Variants in KIAA1328 observed in about 807,000 individuals in gnomAD.
KIAA1328 encodes the protein protein hinderin.
In KIAA1328, 52 loss-of-function variants were observed where a neutral mutation model predicts 68.1. The observed-to-expected ratio is 0.76, with a 90% CI of 0.61 to 0.96. KIAA1328 has a LOEUF of 0.96. Among genes scored for constraint, KIAA1328 ranks in the 40% least tolerant of loss-of-function variants. The pLI, the probability that KIAA1328 is intolerant of heterozygous loss-of-function variation, is 0.00. For missense variants in KIAA1328, 641 were observed against 677.6 expected (o/e 0.95, Z 0.60); for synonymous variants, 232 against 239.4 (o/e 0.97, Z 0.28).
intron 7 of KIAA1328, among the ~76,000 whole-genome samples, chr18:37,069,325 T>C (rs1045524559): frequency 6.6e-6 from 1 of 151,168 alleles, no homozygotes; most frequent in Non-Finnish European, 1.5e-5. Context: ...AGTGGCATGA[T>C]CTTAGCCCAC....
intron 6 of KIAA1328, among the ~76,000 whole-genome samples, chr18:37,038,139 A>G (rs1432214661): frequency 6.6e-6 from 1 of 151,746 alleles, no homozygotes; most frequent in Non-Finnish European, 1.5e-5. Context: ...GATGGCTGCC[A>G]TGTCAAACAC....
intron 7 of KIAA1328, among the ~76,000 whole-genome samples, chr18:37,135,346 A>G (rs1243060700): frequency 2.0e-5 from 3 of 152,176 alleles, no homozygotes; most frequent in Non-Finnish European, 4.4e-5. Flanking sequence ...TTTTCTCTAC[A>G]GTCTCGCCAG....
chr18:36,857,227 G>A (rs1032710571), intron 4 of KIAA1328, among the ~76,000 whole-genome samples: 2 of 152,136 alleles, frequency 1.3e-5, no homozygotes, highest in African/African-American at 2.4e-5. Context: ...GAAGCCACTC[G>A]AAGCCCTTAT....
At chr18:37,012,469 A>T (rs2054010474) in intron 6 of KIAA1328, among the ~76,000 whole-genome samples, 1 of 152,210 alleles carries the variant, frequency 6.6e-6, no homozygotes, top group Admixed American at 6.5e-5. Flanking sequence ...CTCCAAAATT[A>T]TGTGAAATAG....
downstream of KIAA1328, among the ~76,000 whole-genome samples, chr18:37,225,485 G>C (rs1397354601): frequency 6.6e-6 from 1 of 152,176 alleles, no homozygotes; most frequent in African/African-American, 2.4e-5. Context: ...CTGAGAGAAA[G>C]GAAATGGTTT....
intron 6 of KIAA1328, among the ~76,000 whole-genome samples, chr18:37,031,484 C>A (rs2054826003): frequency 6.6e-6 from 1 of 152,146 alleles, no homozygotes; most frequent in East Asian, 1.9e-4. Context: ...ATAGCCACTT[C>A]AGCTTTTTTA....
chr18:36,884,986 T>C (rs551744115), intron 4 of KIAA1328, among the ~76,000 whole-genome samples: 24 of 152,120 alleles, frequency 1.6e-4, no homozygotes, highest in Non-Finnish European at 3.4e-4. Flanking sequence ...TTTTTTGGAC[T>C]AAGAATACAT....
chr18:37,067,952 T>C (rs1343731694), intron 7 of KIAA1328, among the ~76,000 whole-genome samples: 1 of 152,164 alleles, frequency 6.6e-6, no homozygotes, highest in East Asian at 1.9e-4. Flanking sequence ...CCAGAGGTTT[T>C]TCTGGATCTT....
chr18:36,918,588 T>G (rs1258101102), intron 5 of KIAA1328, among the ~76,000 whole-genome samples: 3 of 152,104 alleles, frequency 2.0e-5, no homozygotes, highest in African/African-American at 7.2e-5. Context: ...AACTGTTTTG[T>G]ATTTTTAGTA....
intron 5 of KIAA1328, among the ~76,000 whole-genome samples, chr18:36,920,500 G>T (rs1194463355): frequency 6.6e-6 from 1 of 151,982 alleles, no homozygotes; most frequent in African/African-American, 2.4e-5. Flanking sequence ...CTCTGGTTTT[G>T]CTCTTTTTGC....
chr18:36,921,504 C>T (rs904604341), intron 5 of KIAA1328, among the ~76,000 whole-genome samples: 15 of 151,626 alleles, frequency 9.9e-5, no homozygotes, highest in South Asian at 6.2e-4. Flanking sequence ...CCCGGGTTCA[C>T]GCCATTCCTC....
At chr18:36,965,309 G>A (rs1379114528) in intron 6 of KIAA1328, among the ~76,000 whole-genome samples, 1 of 151,690 alleles carries the variant, frequency 6.6e-6, no homozygotes, top group East Asian at 2.0e-4. Context: ...TTTCTTAGTA[G>A]GTCTGGGTCA....
At chr18:37,104,558 T>A (rs779923294) in intron 7 of KIAA1328, among the ~76,000 whole-genome samples, 2 of 152,060 alleles carry the variant, frequency 1.3e-5, no homozygotes, top group Non-Finnish European at 2.9e-5. Context: ...AACACACAGA[T>A]GGAAGGAATA....
intron 9 of KIAA1328, among the ~76,000 whole-genome samples, chr18:37,215,347 T>G (rs1327327793): frequency 4.7e-5 from 1 of 21,478 alleles, no homozygotes; most frequent in Admixed American, 6.1e-4. Context: ...TTATTGAGAG[T>G]TTTTAGTATG....
intron 7 of KIAA1328, among the ~76,000 whole-genome samples, chr18:37,110,350 G>A (rs2057896205): frequency 6.6e-6 from 1 of 152,186 alleles, no homozygotes; most frequent in African/African-American, 2.4e-5. Flanking sequence ...ATAGATAGAA[G>A]CCAAAAGTAT....
chr18:36,919,470 C>A (rs76489053), intron 5 of KIAA1328, among the ~76,000 whole-genome samples: 1 of 152,232 alleles, frequency 6.6e-6, no homozygotes, highest in Admixed American at 6.5e-5. Flanking sequence ...TTTTCTTTAT[C>A]CAGTCCACTG....
chr18:37,107,556 G>A (rs2057807517), intron 7 of KIAA1328, among the ~76,000 whole-genome samples: 1 of 152,212 alleles, frequency 6.6e-6, no homozygotes, highest in African/African-American at 2.4e-5. Context: ...TGTAGTTCTT[G>A]TAGATATCTT....
chr18:36,991,508 A>T (rs577326212), intron 6 of KIAA1328, among the ~76,000 whole-genome samples: 2 of 152,290 alleles, frequency 1.3e-5, no homozygotes, highest in African/African-American at 4.8e-5. Flanking sequence ...GGGTAGATTT[A>T]TTTTCCTCAG....
At chr18:37,020,327 T>TGGCC (rs1226490085) in intron 6 of KIAA1328, among the ~76,000 whole-genome samples, 5 of 152,120 alleles carry the variant, frequency 3.3e-5, no homozygotes, top group Non-Finnish European at 7.4e-5. Context: ...TTCACTATGT[T>TGGCC]GGCCAGGCTG....
Sources: allele counts gnomAD v4.1 joint callset (sites outside exome capture counted in the v4.1 genomes callset), GRCh38; gene constraint gnomAD v4.1.1; transcripts MANE v1.5; gene names NCBI Gene and HGNC (gene_info 2026-07-23, HGNC 2026-07-21).